Variants in OR2T12 observed in about 807,000 individuals in gnomAD.
OR2T12 encodes the protein olfactory receptor 2T12.
For synonymous variants in OR2T12, 127 were observed against 160.5 expected (o/e 0.79, Z 1.58); for missense variants, 335 against 404.3 (o/e 0.83, Z 1.47).
At chr1:248,298,321 T>C (rs2103039067) in intron 2 of OR2T12, among the ~76,000 whole-genome samples, 1 of 152,240 alleles carries the variant, frequency 6.6e-6, no homozygotes, top group Admixed American at 6.5e-5. Flanking sequence ...TCTTTTTTGG[T>C]TGTGTCTCTG....
chr1:248,302,406 A>G (rs913663943), intron 1 of OR2T12, among the ~76,000 whole-genome samples: 16 of 152,154 alleles, frequency 1.1e-4, no homozygotes, highest in Non-Finnish European at 1.5e-5. Flanking sequence ...ATTATAAAGC[A>G]CAGCAACACT....
intron 2 of OR2T12, among the ~76,000 whole-genome samples, chr1:248,298,443 T>A (rs1659766381): frequency 6.6e-6 from 1 of 152,246 alleles, no homozygotes; most frequent in African/African-American, 2.4e-5. Flanking sequence ...TTCCTCCTTG[T>A]ACCTCTGGTA....
chr1:248,300,180 A>G (rs1277725297), intron 2 of OR2T12, among the ~76,000 whole-genome samples: 1 of 152,172 alleles, frequency 6.6e-6, no homozygotes, highest in African/African-American at 2.4e-5. Context: ...TCTCCAAAGC[A>G]AACAGATAGT....
chr1:248,292,723 A>G lies in OR2T12; in HGVS notation c.*1893T>C, dbSNP rs1659649089. 1 of 151,852 alleles carries G rather than the reference A, an allele frequency of 6.6e-6. No individual in the cohort carries two copies. Among genetic ancestry groups the G allele is most frequent in the African/African-American group, 2.4e-5 (1 of 41,398 alleles). 9.4% of individuals were successfully genotyped at this position (151,852 alleles called of 1,614,324 possible). On this transcript the variant is annotated 3_prime_UTR_variant, in exon 3 of 3. Transcript: ENST00000641276. The stretch of plus-strand genomic sequence containing the variant: ...TATTTTGTGTTTTTATTAATGTCTT[A>G]CGTTTGCTTGGAGATAATGTTCATT...
At position 248,292,159 on chromosome 1, in the gene OR2T12, G is replaced by A. The variant is rs2103036523; in HGVS notation, c.*2457C>T. Reference sequence around the variant, plus strand: ...GAGCCACAACATTATGTTTCTTAATGACTTAAAAATTACACATTAAAGAGA... The same window carrying A: ...GAGCCACAACATTATGTTTCTTAATAACTTAAAAATTACACATTAAAGAGA... On this transcript the variant is annotated 3_prime_UTR_variant, in exon 3 of 3. Transcript: ENST00000641276. 1.3e-5 allele frequency: 2 copies of A among 152,184 alleles called. No homozygotes were observed. Among genetic ancestry groups the A allele is most frequent in the East Asian group, 3.9e-4 (2 of 5,188 alleles). 9.4% of individuals were successfully genotyped at this position (152,184 alleles called of 1,614,324 possible).
In OR2T12 at chr1:248,295,030, C is replaced by A; in HGVS notation, c.549G>T (p.Val183=). Residue 183 remains valine (V), a synonymous_variant, in exon 3 of 3, where the codon GTG becomes GTT. Transcript: ENST00000641276. ...CTGAAGTGTCAGCACAAGCCAAACG[C>A]ACCAACACGGGGGCCTCGCAGAAGA... The part of the protein sequence containing the change: ...DHFFCEAPVL[V]RLACADTSVF... 1 of 1,609,818 alleles carries A rather than the reference C, an allele frequency of 6.2e-7. No homozygotes were observed. The highest frequency in any genetic ancestry group is 2.2e-5 in the East Asian group (1 of 44,822).
chr1:248,300,940 C>T (rs1659803583), intron 2 of OR2T12, among the ~76,000 whole-genome samples: 1 of 152,228 alleles, frequency 6.6e-6, no homozygotes, highest in Middle Eastern at 3.4e-3. Context: ...GACATTTCTA[C>T]CATATGTTTT....
rs1572828231 is a variant in OR2T12 at position 248,291,343 on chromosome 1, C to T, written c.*3273G>A. On this transcript the variant is annotated 3_prime_UTR_variant, in exon 3 of 3. Transcript: ENST00000641276. ...ATGAGTGAATTCCCATTCAGAATTG[C>T]TACAAAGGGAATAAAACACCTAGGA... 1 of 151,946 alleles carries T rather than the reference C, an allele frequency of 6.6e-6. No homozygotes were observed. Among genetic ancestry groups the T allele is most frequent in the African/African-American group, 2.4e-5 (1 of 41,366 alleles). 9.4% of individuals were successfully genotyped at this position (151,946 alleles called of 1,614,324 possible).
intron 2 of OR2T12, among the ~76,000 whole-genome samples, chr1:248,300,145 A>G (rs1458895348): frequency 6.6e-6 from 1 of 152,164 alleles, no homozygotes; most frequent in African/African-American, 2.4e-5. Flanking sequence ...CTAATATGTG[A>G]TCGAGTTTTT....
chr1:248,299,023 C>T (rs1434922711), intron 2 of OR2T12, among the ~76,000 whole-genome samples: 9 of 152,136 alleles, frequency 5.9e-5, no homozygotes, highest in Non-Finnish European at 1.2e-4. Context: ...CCTAAAAGAG[C>T]TCCTGAAGGA....
intron 2 of OR2T12, among the ~76,000 whole-genome samples, chr1:248,297,342 T>C (rs1265280296): frequency 6.6e-6 from 1 of 152,140 alleles, no homozygotes; most frequent in Admixed American, 6.6e-5. Flanking sequence ...TGTGGGCTCT[T>C]TTTTGGTTCC....
At position 248,292,993 on chromosome 1, in the gene OR2T12, G is replaced by A. The variant is rs1229260779; in HGVS notation, c.*1623C>T. 6.6e-6 allele frequency: 1 copy of A among 152,082 alleles called. No homozygotes were observed. Among genetic ancestry groups the A allele is most frequent in the Non-Finnish European group, 1.5e-5 (1 of 67,962 alleles). 9.4% of individuals were successfully genotyped at this position (152,082 alleles called of 1,614,324 possible). Reference sequence around the variant, plus strand: ...AGATTTTTTAGATGGTATAATGACAGAATTTGTGCAGTTCTGTTCCTTTCT... The same window carrying A: ...AGATTTTTTAGATGGTATAATGACAAAATTTGTGCAGTTCTGTTCCTTTCT... On this transcript the variant is annotated 3_prime_UTR_variant, in exon 3 of 3. Transcript: ENST00000641276.
In OR2T12 at chr1:248,290,422, G is replaced by A. The variant is rs559519670; in HGVS notation, c.*4194C>T. On this transcript the variant is annotated 3_prime_UTR_variant, in exon 3 of 3. Coordinates refer to ENST00000641276, the MANE Select transcript of OR2T12 (RefSeq NM_001004692.2). ...CCTTTCCAATGGCTGTATAGTATTT[G>A]TGGTGTATATGTGCCACAGCTACTT... is the stretch of plus-strand genomic sequence containing the variant. 3 of 152,266 alleles carry A rather than the reference G, an allele frequency of 2.0e-5. No individual in the cohort carries two copies. The South Asian group carries it at 6.2e-4, about 32-fold the overall frequency. The allele number at this position is 152,266 out of a possible 1,614,324, so 9.4% of individuals were successfully genotyped here. A position where few individuals can be genotyped will look rare whatever the true frequency, so the allele number is the denominator to read the frequency against.
chr1:248,297,443 G>A (rs1659747312), intron 2 of OR2T12, among the ~76,000 whole-genome samples: 1 of 151,496 alleles, frequency 6.6e-6, no homozygotes, highest in Non-Finnish European at 1.5e-5. Context: ...ATTACCTTGG[G>A]CAGTATGGCC....
rs186065118 is a variant in OR2T12 at position 248,291,022 on chromosome 1, A to G, written c.*3594T>C. 1 of 151,354 alleles carries G rather than the reference A, an allele frequency of 6.6e-6. No homozygotes were observed. The highest frequency in any genetic ancestry group is 2.4e-5 in the African/African-American group (1 of 41,204). The allele number at this position is 151,354 out of a possible 1,614,324, so 9.4% of individuals were successfully genotyped here. A position where few individuals can be genotyped will look rare whatever the true frequency, so the allele number is the denominator to read the frequency against. On this transcript the variant is annotated 3_prime_UTR_variant, in exon 3 of 3. Coordinates refer to ENST00000641276, the MANE Select transcript of OR2T12 (RefSeq NM_001004692.2). ...ATGGGGTTGTTTTTTTTTTCTTATA[A>G]ATATGTTTAAGTTCCTTGTAGATTC...
In OR2T12 at chr1:248,296,634, T is replaced by C. The variant is rs567736745; in HGVS notation, c.-8-1048A>G. Among the ~76,000 whole-genome samples the C allele has an allele frequency of 4.9e-3, 745 of 152,340 alleles. 7 individuals carry two copies. The highest frequency in any genetic ancestry group is 0.017 in the African/African-American group (723 of 41,566). Reference sequence around the variant, plus strand: ...TGGTGAGCATTTTTTCATGTGTTTTTTGGCTGCATAAATGTCTTCTTTTGA... The same window carrying C: ...TGGTGAGCATTTTTTCATGTGTTTTCTGGCTGCATAAATGTCTTCTTTTGA... On this transcript the variant is annotated intron_variant, in intron 2 of 2. Coordinates refer to ENST00000641276, the MANE Select transcript of OR2T12 (RefSeq NM_001004692.2).
intron 1 of OR2T12, among the ~76,000 whole-genome samples, chr1:248,302,742 C>A (rs1349494360): frequency 1.3e-5 from 2 of 151,952 alleles, no homozygotes; most frequent in African/African-American, 4.8e-5. Flanking sequence ...AGGAGATGTC[C>A]TGAGAATGGA....
Position 248,293,918 on chromosome 1 carries a change from G to C in OR2T12, c.*698C>G, listed in dbSNP as rs1228780399. 1 of 151,826 alleles carries C rather than the reference G, an allele frequency of 6.6e-6. No individual in the cohort carries two copies. Among genetic ancestry groups the C allele is most frequent in the Non-Finnish European group, 1.5e-5 (1 of 67,932 alleles). 9.4% of individuals were successfully genotyped at this position (151,826 alleles called of 1,614,324 possible). On this transcript the variant is annotated 3_prime_UTR_variant, in exon 3 of 3. Transcript: ENST00000641276. ...TGCCTTAAAACACCAAATAAAAAGA[G>C]ACTGGAAAAAATAAAAAAAGATTGT...
intron 2 of OR2T12, among the ~76,000 whole-genome samples, chr1:248,297,480 C>T (rs1375122540): frequency 6.6e-6 from 1 of 151,894 alleles, no homozygotes. Flanking sequence ...TTCTTCCTAC[C>T]CATGAGCATG....
Sources: allele counts gnomAD v4.1 joint callset (sites outside exome capture counted in the v4.1 genomes callset), GRCh38; gene constraint gnomAD v4.1.1; transcripts MANE v1.5; gene names NCBI Gene and HGNC (gene_info 2026-07-23, HGNC 2026-07-21).